The following FRMD4A variants were observed in gnomAD, a reference collection of about 807,000 sequenced individuals.
The protein encoded by FRMD4A is FERM domain containing 4A.
A neutral mutation model predicts 129.1 loss-of-function variants in FRMD4A; 29 were observed. The ratio of observed to expected loss-of-function variants is 0.22; its 90% CI spans 0.17 to 0.31. The LOEUF (loss-of-function observed/expected upper bound fraction) is 0.31. FRMD4A is among the 10% of genes least tolerant of loss of function. FRMD4A has a pLI of 1.00. For missense variants in FRMD4A, 1,272 were observed against 1,375.8 expected (o/e 0.92, Z 1.19); for synonymous variants, 634 against 571.6 (o/e 1.11, Z -1.56).
intron 2 of FRMD4A, among the ~76,000 whole-genome samples, chr10:13,982,926 A>G (rs905228751): frequency 2.0e-5 from 3 of 152,102 alleles, no homozygotes; most frequent in Non-Finnish European, 4.4e-5. Flanking sequence ...AAGTCCCTCT[A>G]TTTGCAGGTC....
intron 2 of FRMD4A, among the ~76,000 whole-genome samples, chr10:14,291,292 T>A (rs1377462103): frequency 1.3e-5 from 2 of 152,146 alleles, no homozygotes; most frequent in Non-Finnish European, 2.9e-5. Flanking sequence ...AAATAAGGGA[T>A]TGACAAATAA....
rs1223513495 is a variant in FRMD4A at position 13,790,985 on chromosome 10, A to G, written c.299+5511T>C. ...CTGTGAGGTGACAGAAGGGACTGGG[A>G]TTGAGGTACACGTGGATCAGTGCGT... On this transcript the variant is annotated intron_variant, in intron 5 of 24. Transcript: ENST00000357447. Among the ~76,000 whole-genome samples the G allele has an allele frequency of 8.5e-5, 13 of 152,188 alleles. No homozygotes were observed. The East Asian group carries it at 2.3e-3, about 27-fold the overall frequency.
At chr10:14,141,148 C>T (rs1006741420) in intron 2 of FRMD4A, among the ~76,000 whole-genome samples, 2 of 152,062 alleles carry the variant, frequency 1.3e-5, no homozygotes, top group African/African-American at 4.8e-5. Flanking sequence ...CAGTAGCAAT[C>T]TGGTGCTTTA....
chr10:14,325,411 G>A (rs754261207), intron 2 of FRMD4A, among the ~76,000 whole-genome samples: 11 of 152,058 alleles, frequency 7.2e-5, no homozygotes, highest in East Asian at 5.8e-4. Flanking sequence ...TCTACTCCCC[G>A]TCTCCCAAAC....
chr10:13,840,069 G>A (rs544705570), intron 3 of FRMD4A, among the ~76,000 whole-genome samples: 1 of 152,356 alleles, frequency 6.6e-6, no homozygotes, highest in African/African-American at 2.4e-5. Context: ...ATTGCTTAAA[G>A]AGGTCATTTG....
At chr10:14,030,315 G>A (rs1278558620) in intron 2 of FRMD4A, among the ~76,000 whole-genome samples, 1 of 152,152 alleles carries the variant, frequency 6.6e-6, no homozygotes, top group Non-Finnish European at 1.5e-5. Flanking sequence ...TATATGAGGT[G>A]ATAGATACAT....
chr10:13,897,815 G>A (rs1295246483), intron 2 of FRMD4A, among the ~76,000 whole-genome samples: 2 of 151,674 alleles, frequency 1.3e-5, no homozygotes, highest in Non-Finnish European at 2.9e-5. Flanking sequence ...GCAGCTGCCT[G>A]TGATCCCAGC....
At chr10:14,215,317 T>C (rs918057623) in intron 2 of FRMD4A, among the ~76,000 whole-genome samples, 1 of 152,186 alleles carries the variant, frequency 6.6e-6, no homozygotes, top group African/African-American at 2.4e-5. Flanking sequence ...AAGGATCCAA[T>C]ATTTCTCACT....
intron 2 of FRMD4A, among the ~76,000 whole-genome samples, chr10:14,072,226 C>A (rs1835350748): frequency 6.6e-6 from 1 of 152,040 alleles, no homozygotes; most frequent in South Asian, 2.1e-4. Flanking sequence ...AGACACGAGG[C>A]AATTTAGGGT....
intron 6 of FRMD4A, among the ~76,000 whole-genome samples, chr10:13,769,558 C>T (rs906025928): frequency 1.3e-5 from 2 of 152,138 alleles, no homozygotes; most frequent in Non-Finnish European, 2.9e-5. Flanking sequence ...GATCCACCCA[C>T]CTCGGCCTCC....
intron 6 of FRMD4A, among the ~76,000 whole-genome samples, chr10:13,770,807 C>G (rs1014289065): frequency 6.6e-6 from 1 of 152,108 alleles, no homozygotes; most frequent in African/African-American, 2.4e-5. Context: ...AAGCTTGTTT[C>G]TTGAAAGTTG....
chr10:13,974,087 G>C (rs117292450), intron 2 of FRMD4A, among the ~76,000 whole-genome samples: 11,147 of 149,522 alleles, frequency 0.075, 1,102 homozygotes, highest in African/African-American at 0.22. Context: ...GAGTGCAGTG[G>C]TGCGATTTCG....
intron 2 of FRMD4A, among the ~76,000 whole-genome samples, chr10:14,310,323 T>TA (rs1846501766): frequency 1.3e-5 from 2 of 152,212 alleles, no homozygotes; most frequent in Admixed American, 6.5e-5. Flanking sequence ...CTCAGGCAAC[T>TA]AATGATACAG....
intron 2 of FRMD4A, among the ~76,000 whole-genome samples, chr10:14,232,083 A>G (rs1843657253): frequency 6.6e-6 from 1 of 152,044 alleles, no homozygotes; most frequent in Admixed American, 6.6e-5. Context: ...TAAGTCTTTA[A>G]TCTATCTTGA....
chr10:14,028,330 G>A (rs756398979), intron 2 of FRMD4A, among the ~76,000 whole-genome samples: 17 of 152,128 alleles, frequency 1.1e-4, no homozygotes, highest in Non-Finnish European at 2.2e-4. Flanking sequence ...AAAAGAGGAG[G>A]CCTGATGTGA....
intron 15 of FRMD4A, among the ~76,000 whole-genome samples, chr10:13,677,174 C>G (rs191309967): frequency 3.0e-4 from 45 of 152,318 alleles, no homozygotes; most frequent in African/African-American, 1.0e-3. Context: ...ACCCTAATCA[C>G]CAAGAACTCT....
At chr10:13,920,254 T>A (rs2095056625) in intron 2 of FRMD4A, among the ~76,000 whole-genome samples, 1 of 152,206 alleles carries the variant, frequency 6.6e-6, no homozygotes, top group African/African-American at 2.4e-5. Flanking sequence ...AGGCATTTTT[T>A]TTGGCAGAAG....
chr10:13,983,662 T>C (rs1170162863), intron 2 of FRMD4A, among the ~76,000 whole-genome samples: 2 of 152,086 alleles, frequency 1.3e-5, no homozygotes, highest in African/African-American at 4.8e-5. Context: ...GACCAGGAGA[T>C]ACCTAGGAGG....
In FRMD4A at chr10:13,660,344, T is replaced by C. The variant is rs574657735; in HGVS notation, c.1870A>G (p.Lys624Glu). 23 of 1,613,736 alleles carry C rather than the reference T, an allele frequency of 1.4e-5. No individual in the cohort carries two copies. In the South Asian group the frequency reaches 2.5e-4, roughly 18 times the overall value. ...SSLDEPYEKV[K>E]KRSSHSHSSS... ...GAATGGCTGTGAGAGGAGCGCTTCT[T>C]GACCTTCTCATAGGGTTCATCTAAA... Residue 624 changes from lysine to glutamate, a missense_variant, in exon 20 of 25, where the codon AAG becomes GAG. By Grantham distance (56) the Lys-to-Glu change is moderately conservative. Transcript: ENST00000357447.
Sources: gnomAD v4.1 joint callset for allele counts (sites outside exome capture counted in the v4.1 genomes callset) on GRCh38, gnomAD v4.1.1 for gene constraint, MANE v1.5 for transcripts, NCBI Gene and HGNC (gene_info 2026-07-23, HGNC 2026-07-21) for gene names.